Variants in FHIP1A observed in about 807,000 individuals in gnomAD.
FHIP1A encodes the protein FHF complex subunit HOOK-interacting protein 1A.
FHIP1A carries 61 observed loss-of-function variants against 88.6 expected under a neutral mutation model. The ratio of observed to expected loss-of-function variants is 0.69; its 90% CI spans 0.56 to 0.85. The LOEUF (loss-of-function observed/expected upper bound fraction) is 0.85, where lower values mean the gene tolerates loss of function less well. FHIP1A is among the 40% of genes least tolerant of loss of function. FHIP1A has a pLI of 0.00. For synonymous variants in FHIP1A, 478 were observed against 496.0 expected (o/e 0.96, Z 0.48); for missense variants, 1,154 against 1,273.5 (o/e 0.91, Z 1.43).
chr4:151,409,688 T>C (rs982262163), intron 1 of FHIP1A, among the ~76,000 whole-genome samples: 11 of 151,972 alleles, frequency 7.2e-5, no homozygotes, highest in African/African-American at 2.7e-4. Flanking sequence ...AGGTGACTTC[T>C]AGGGTTTCGG....
At chr4:151,594,738 T>A (rs559514404) in intron 7 of FHIP1A, among the ~76,000 whole-genome samples, 1 of 152,198 alleles carries the variant, frequency 6.6e-6, no homozygotes, top group Non-Finnish European at 1.5e-5. Context: ...CACGCCTGGC[T>A]AATTTTTTGT....
intron 1 of FHIP1A, among the ~76,000 whole-genome samples, chr4:151,424,534 G>A (rs1349106771): frequency 2.6e-5 from 4 of 152,164 alleles, no homozygotes; most frequent in Admixed American, 6.5e-5. Context: ...TGGATGGTTT[G>A]AAGTAGTTGG....
At position 151,518,090 on chromosome 4, in the gene FHIP1A, A is replaced by C. The variant is rs144346632; in HGVS notation, c.-123+35442A>C. 4.4e-3 allele frequency among the ~76,000 whole-genome samples: 663 copies of C among 152,304 alleles called. 1 individual carries two copies. The highest frequency in any genetic ancestry group is 0.014 in the Middle Eastern group (4 of 294). The stretch of plus-strand genomic sequence containing the variant: ...ATGTCCTAGGCCTTCACATTCACTC[A>C]CCACTCACTGACACACCCAGAGCAA... On this transcript the variant is annotated intron_variant, in intron 3 of 13. Coordinates refer to ENST00000435205, the MANE Select transcript of FHIP1A (RefSeq NM_001109977.3).
chr4:151,598,508 A>G, intron 7 of FHIP1A, among the ~76,000 whole-genome samples: 2 of 152,216 alleles, frequency 1.3e-5, no homozygotes, highest in East Asian at 3.9e-4. Context: ...TAGTTATTCT[A>G]TGAGGCTTAT....
At chr4:151,623,804 ACTCT>A (rs1735843656) in intron 7 of FHIP1A, among the ~76,000 whole-genome samples, 1 of 151,504 alleles carries the variant, frequency 6.6e-6, no homozygotes, top group Admixed American at 6.6e-5. Context: ...TCTGAAAACC[ACTCT>A]CTATTATCTT....
chr4:151,633,211 C>T (rs1227519104), intron 8 of FHIP1A, among the ~76,000 whole-genome samples: 1 of 151,760 alleles, frequency 6.6e-6, no homozygotes, highest in African/African-American at 2.4e-5. Flanking sequence ...CCTAGAGGAC[C>T]TAGATACATT....
intron 7 of FHIP1A, among the ~76,000 whole-genome samples, chr4:151,589,483 T>C (rs1734344094): frequency 6.6e-6 from 1 of 152,208 alleles, no homozygotes; most frequent in South Asian, 2.1e-4. Flanking sequence ...TCAACTGATA[T>C]CTTTTCCATT....
intron 4 of FHIP1A, 89 bp from the exon 5 acceptor site, chr4:151,577,361 T>C (rs1054687540): frequency 7.7e-7 from 1 of 1,293,748 alleles, no homozygotes; most frequent in Non-Finnish European, 1.0e-6. Context: ...TCCTGCATTT[T>C]TGGTGACAAT....
chr4:151,607,535 C>T (rs1403997351), intron 7 of FHIP1A, among the ~76,000 whole-genome samples: 4 of 152,086 alleles, frequency 2.6e-5, no homozygotes, highest in African/African-American at 9.7e-5. Flanking sequence ...AAGTGTGTAC[C>T]ATCTAATATA....
chr4:151,428,409 C>T (rs995100382), intron 1 of FHIP1A, among the ~76,000 whole-genome samples: 1 of 152,046 alleles, frequency 6.6e-6, no homozygotes, highest in Non-Finnish European at 1.5e-5. Context: ...ATTTTATATC[C>T]TTAATATTGC....
intron 1 of FHIP1A, among the ~76,000 whole-genome samples, chr4:151,444,122 C>T (rs1253486115): frequency 6.6e-6 from 1 of 151,728 alleles, no homozygotes; most frequent in Admixed American, 6.6e-5. Context: ...TGAGCGCATA[C>T]TCCTTACCCT....
At chr4:151,568,822 A>G (rs1208595861) in intron 4 of FHIP1A, among the ~76,000 whole-genome samples, 1 of 152,202 alleles carries the variant, frequency 6.6e-6, no homozygotes, top group Non-Finnish European at 1.5e-5. Context: ...AGACAGGAAA[A>G]TAATATTTCA....
intron 1 of FHIP1A, among the ~76,000 whole-genome samples, chr4:151,412,969 C>A (rs1020668781): frequency 6.6e-6 from 1 of 152,044 alleles, no homozygotes; most frequent in South Asian, 2.1e-4. Context: ...TAGACGTGAG[C>A]CACCGTGCCT....
At position 151,591,126 on chromosome 4, in the gene FHIP1A, G is replaced by T. The variant is rs73862066; in HGVS notation, c.978+2200G>T. 2.1e-3 allele frequency among the ~76,000 whole-genome samples: 313 copies of T among 151,508 alleles called. 1 individual carries two copies. The highest frequency in any genetic ancestry group is 7.4e-3 in the African/African-American group (305 of 41,288). ...TTTTTTATCATGTAGGATGAATAGG[G>T]TTAGGGACGGAGCAGGCCAGGGAAG... On this transcript the variant is annotated intron_variant, in intron 7 of 13. Coordinates refer to ENST00000435205, the MANE Select transcript of FHIP1A (RefSeq NM_001109977.3).
chr4:151,454,263 A>G (rs1380428161), intron 1 of FHIP1A, among the ~76,000 whole-genome samples: 1 of 152,170 alleles, frequency 6.6e-6, no homozygotes, highest in Non-Finnish European at 1.5e-5. Context: ...TGATTTAGGC[A>G]TATCACATTG....
chr4:151,456,198 C>T lies in FHIP1A; in HGVS notation c.-248+1390C>T, dbSNP rs560296664. ...ACTCTCTAATTTATTAGAAAATCTC[C>T]ATCACCTTCTGTCATTCCCGAAAGT... is the stretch of plus-strand genomic sequence containing the variant. On this transcript the variant is annotated intron_variant, in intron 2 of 13. Transcript: ENST00000435205. Among the ~76,000 whole-genome samples the T allele has an allele frequency of 3.9e-5, 6 of 152,316 alleles. No individual in the cohort carries two copies. In the East Asian group the frequency reaches 1.2e-3, roughly 29 times the overall value.
At chr4:151,573,005 T>C (rs1185503899) in intron 4 of FHIP1A, among the ~76,000 whole-genome samples, 1 of 152,180 alleles carries the variant, frequency 6.6e-6, no homozygotes, top group African/African-American at 2.4e-5. Context: ...TATCATTGGG[T>C]CACAGGGGCC....
chr4:151,643,235 G>T (rs1736659638), intron 9 of FHIP1A, among the ~76,000 whole-genome samples: 1 of 152,240 alleles, frequency 6.6e-6, no homozygotes, highest in Middle Eastern at 3.4e-3. Context: ...CAGAGACAGA[G>T]GAGCACAGTC....
rs952410342 is a variant in FHIP1A at position 151,581,440 on chromosome 4, T to A, written c.732+3364T>A. On this transcript the variant is annotated intron_variant, in intron 5 of 13. Coordinates refer to ENST00000435205, the MANE Select transcript of FHIP1A (RefSeq NM_001109977.3). Reference sequence around the variant, plus strand: ...TATATATTTTTCATATTTCATAATTTAAAAATTTAAATATGACAAGAAGAT... The same window carrying A: ...TATATATTTTTCATATTTCATAATTAAAAAATTTAAATATGACAAGAAGAT... 7.2e-5 allele frequency among the ~76,000 whole-genome samples: 11 copies of A among 152,320 alleles called. 1 individual carries two copies. The highest frequency in any genetic ancestry group is 6.8e-3 in the Middle Eastern group (2 of 294).
Sources: gnomAD v4.1 joint callset for allele counts (sites outside exome capture counted in the v4.1 genomes callset) on GRCh38, gnomAD v4.1.1 for gene constraint, MANE v1.5 for transcripts, NCBI Gene and HGNC (gene_info 2026-07-23, HGNC 2026-07-21) for gene names.